Variants in CLSTN2 observed in about 807,000 individuals in gnomAD.
CLSTN2 encodes calsyntenin 2, also known as calsyntenin-2.
CLSTN2 carries 48 observed loss-of-function variants against 101.2 expected under a neutral mutation model. The observed-to-expected ratio is 0.47, with a 90% CI of 0.38 to 0.60. The LOEUF (loss-of-function observed/expected upper bound fraction) is 0.60, where lower values mean the gene tolerates loss of function less well. Ranked by LOEUF, CLSTN2 falls within the 20% of genes least tolerant of loss-of-function variation. The probability of loss-of-function intolerance (pLI) is 0.00; values close to 1 mark genes in which losing one functional copy is unlikely to be tolerated. For missense variants in CLSTN2, 1,160 were observed against 1,238.2 expected (o/e 0.94, Z 0.95); for synonymous variants, 481 against 463.6 (o/e 1.04, Z -0.48).
At chr3:140,498,735 A>C (rs1433095271) in intron 8 of CLSTN2, among the ~76,000 whole-genome samples, 1 of 152,326 alleles carries the variant, frequency 6.6e-6, no homozygotes, top group East Asian at 1.9e-4. Context: ...GAGTGGCTAA[A>C]GTGGGTACCT....
intron 1 of CLSTN2, among the ~76,000 whole-genome samples, chr3:140,064,254 A>G (rs1411915257): frequency 6.6e-6 from 1 of 152,202 alleles, no homozygotes; most frequent in Non-Finnish European, 1.5e-5. Context: ...TTGCTGAAGA[A>G]GGATTGTAGG....
At chr3:140,519,458 G>T (rs2107772569) in intron 8 of CLSTN2, among the ~76,000 whole-genome samples, 1 of 152,284 alleles carries the variant, frequency 6.6e-6, no homozygotes, top group South Asian at 2.1e-4. Context: ...CTATTATTGT[G>T]TGGAAGTCTA....
intron 6 of CLSTN2, among the ~76,000 whole-genome samples, chr3:140,451,945 A>C (rs2108011197): frequency 6.6e-6 from 1 of 152,348 alleles, no homozygotes; most frequent in Middle Eastern, 3.4e-3. Flanking sequence ...AGCAAGAGAT[A>C]ATGAGTTCTG....
intron 1 of CLSTN2, among the ~76,000 whole-genome samples, chr3:140,120,488 A>G (rs2009323121): frequency 6.6e-6 from 1 of 152,150 alleles, no homozygotes; most frequent in African/African-American, 2.4e-5. Flanking sequence ...GCTTCATTAT[A>G]TAAGCACGAT....
intron 1 of CLSTN2, among the ~76,000 whole-genome samples, chr3:140,114,006 G>A (rs1250926831): frequency 6.6e-6 from 1 of 152,104 alleles, no homozygotes; most frequent in Non-Finnish European, 1.5e-5. Flanking sequence ...GCAAGCTCTG[G>A]GGATCTGGTG....
intron 1 of CLSTN2, among the ~76,000 whole-genome samples, chr3:139,978,036 C>T (rs1935849857): frequency 6.6e-6 from 1 of 152,170 alleles, no homozygotes; most frequent in African/African-American, 2.4e-5. Context: ...ACATTCACAT[C>T]TGGGGAACCC....
chr3:140,499,900 T>TA (rs1934540331), intron 8 of CLSTN2, among the ~76,000 whole-genome samples: 1 of 151,766 alleles, frequency 6.6e-6, no homozygotes, highest in African/African-American at 2.4e-5. Context: ...CCGTCTCTAC[T>TA]AAAAAATACA....
chr3:140,550,150 G>C (rs1696225), intron 10 of CLSTN2, among the ~76,000 whole-genome samples: 33 of 151,728 alleles, frequency 2.2e-4, no homozygotes, highest in Admixed American at 1.5e-3. Flanking sequence ...GTGCCAGAGA[G>C]GTAGGCAGGG....
chr3:140,524,924 G>T (rs541838059), intron 8 of CLSTN2, among the ~76,000 whole-genome samples: 3 of 152,164 alleles, frequency 2.0e-5, no homozygotes, highest in Non-Finnish European at 2.9e-5. Flanking sequence ...ACTTACCAAA[G>T]TCTTTGGATG....
chr3:140,310,601 A>G (rs1330298917), intron 2 of CLSTN2, among the ~76,000 whole-genome samples: 2 of 152,096 alleles, frequency 1.3e-5, no homozygotes, highest in Non-Finnish European at 1.5e-5. Context: ...CTCACTGATT[A>G]TAGTGGTTTG....
At chr3:140,455,343 C>T (rs1222860254) in intron 6 of CLSTN2, among the ~76,000 whole-genome samples, 2 of 152,218 alleles carry the variant, frequency 1.3e-5, no homozygotes, top group African/African-American at 4.8e-5. Flanking sequence ...TGCTAAGGAA[C>T]CTCTGGCCTC....
At chr3:140,022,031 T>C (rs2007328973) in intron 1 of CLSTN2, among the ~76,000 whole-genome samples, 1 of 152,066 alleles carries the variant, frequency 6.6e-6, no homozygotes. Context: ...CAGGCTGTTT[T>C]GATGAAAAAA....
At chr3:140,089,659 C>T (rs1267474290) in intron 1 of CLSTN2, among the ~76,000 whole-genome samples, 1 of 151,380 alleles carries the variant, frequency 6.6e-6, no homozygotes, top group Non-Finnish European at 1.5e-5. Flanking sequence ...ATTGTCCAGG[C>T]TAGAGTGCAG....
chr3:140,042,647 A>G (rs2007784207), intron 1 of CLSTN2, among the ~76,000 whole-genome samples: 1 of 152,110 alleles, frequency 6.6e-6, no homozygotes, highest in Admixed American at 6.6e-5. Flanking sequence ...TACATTAGGT[A>G]TATCTCCTAA....
intron 2 of CLSTN2, among the ~76,000 whole-genome samples, chr3:140,265,124 G>A (rs1444595779): frequency 6.6e-6 from 1 of 152,200 alleles, no homozygotes; most frequent in Non-Finnish European, 1.5e-5. Context: ...ACTGAGGTCA[G>A]ATAACTTGCC....
chr3:140,109,417 T>A (rs1384242821), intron 1 of CLSTN2, among the ~76,000 whole-genome samples: 1 of 152,136 alleles, frequency 6.6e-6, no homozygotes, highest in Non-Finnish European at 1.5e-5. Context: ...CTTGATGTGC[T>A]CTAATTGGGA....
intron 2 of CLSTN2, among the ~76,000 whole-genome samples, chr3:140,330,715 A>G (rs943171148): frequency 6.6e-6 from 1 of 152,212 alleles, no homozygotes; most frequent in Non-Finnish European, 1.5e-5. Context: ...AGGCCTGACA[A>G]AAAAGCCAAA....
chr3:140,394,722 A>C (rs79348209), intron 2 of CLSTN2, among the ~76,000 whole-genome samples: 3,896 of 152,344 alleles, frequency 0.026, 163 homozygotes, highest in African/African-American at 0.089. Flanking sequence ...GTCAGGGCAC[A>C]GAACGATGTA....
At position 139,980,429 on chromosome 3, in the gene CLSTN2, AG is replaced by A. The variant is rs1167505551; in HGVS notation, c.109+44947del. 2.0e-5 allele frequency among the ~76,000 whole-genome samples: 3 copies of A among 151,882 alleles called. No homozygotes were observed. In the South Asian group the frequency reaches 6.2e-4, roughly 31 times the overall value. On this transcript the variant is annotated intron_variant, in intron 1 of 16. Transcript: ENST00000458420. ...CTGCTGAAACACAGGCTCATCAGAA[AG>A]TCCATCTATGACTATATTATGGAAA...
Sources: gnomAD v4.1 joint callset for allele counts (sites outside exome capture counted in the v4.1 genomes callset) on GRCh38, gnomAD v4.1.1 for gene constraint, MANE v1.5 for transcripts, NCBI Gene and HGNC (gene_info 2026-07-23, HGNC 2026-07-21) for gene names.